Variants in SRMS observed in about 807,000 individuals in gnomAD.
SRMS encodes the protein src-related kinase lacking C-terminal regulatory tyrosine and N-terminal myristylation sites.
Under a neutral mutation model 43.5 loss-of-function variants are expected in SRMS, and 42 were observed. The observed-to-expected ratio is 0.97, with a 90% CI of 0.75 to 1.25. The LOEUF is 1.25. Ranked by LOEUF, SRMS falls within the 50% of genes most tolerant of loss-of-function variation. The pLI is 0.00. For synonymous variants in SRMS, 316 were observed against 308.2 expected, an observed-to-expected ratio of 1.03 and a Z score of -0.27; for missense variants, 703 against 681.0, an observed-to-expected ratio of 1.03 and a Z score of -0.36.
rs761469470 is a variant in SRMS, at chr20:63,544,350, T to TG, written c.357-3dup. 1.0e-5 allele frequency: 15 copies of TG among 1,468,128 alleles called. No homozygotes were observed. Among genetic ancestry groups the TG allele is most frequent in the Middle Eastern group, 2.4e-4 (1 of 4,136 alleles). The allele number at this position is 1,468,128 out of a possible 1,614,324, so 90.9% of individuals were successfully genotyped here. On this transcript the variant is annotated splice_polypyrimidine_tract_variant and splice_region_variant and intron_variant, in intron 1 of 7. Transcript: ENST00000217188. ...CGACTGACCCCGCTAAAGTACCAGC[T>TG]GCAAACAGCAGGTGCGGCAGTCACC...
Position 63,541,620 on chromosome 20 carries a change from G to T in SRMS, c.947C>A (p.Thr316Asn). Residue 316 changes from threonine to asparagine, a missense_variant and splice_region_variant, in exon 6 of 8, where the codon ACC becomes AAC. Coordinates refer to ENST00000217188, the MANE Select transcript of SRMS (RefSeq NM_080823.4). ...CAGACGCAGGGCCCGGCCCTCGGGG[G>T]CTGCAGGAGACAGCGCGGGGTCTTT... ...RKGNLQAFLGTPEGRALRLPP... is the reference protein window; with the variant it reads ...RKGNLQAFLGNPEGRALRLPP... 2 of 1,537,866 alleles carry T rather than the reference G, an allele frequency of 1.3e-6. No homozygotes were observed. Among genetic ancestry groups the T allele is most frequent in the South Asian group, 1.2e-5 (1 of 84,548 alleles).
intron 5 of SRMS, 77 bp downstream of exon 5, chr20:63,542,086 A>G: frequency 6.5e-7 from 1 of 1,535,284 alleles, no homozygotes. Flanking sequence ...GAAACCCCGC[A>G]GGTTCAGCTC....
intron 3 of SRMS, among the ~76,000 whole-genome samples, chr20:63,542,825 A>C (rs1219073335): frequency 2.6e-5 from 4 of 152,104 alleles, no homozygotes; most frequent in African/African-American, 9.7e-5. Context: ...ACACATGCTC[A>C]TTACTGCCCC....
Position 63,543,110 on chromosome 20 carries a change from G to A in SRMS, c.645+204C>T, listed in dbSNP as rs146503573. On this transcript the variant is annotated intron_variant, in intron 3 of 7. Coordinates refer to ENST00000217188, the MANE Select transcript of SRMS (RefSeq NM_080823.4). Reference sequence around the variant, plus strand: ...CACTCCCAGCCCCCTAGGACCCCAGGAATCCCAACAACCCTCAGAGGCACC... The same window carrying A: ...CACTCCCAGCCCCCTAGGACCCCAGAAATCCCAACAACCCTCAGAGGCACC... Among the ~76,000 whole-genome samples the A allele has an allele frequency of 2.1e-3, 326 of 152,332 alleles. 7 individuals carry two copies. In the East Asian group the frequency reaches 0.025, roughly 12 times the overall value.
At chr20:63,545,255 C>T (rs1341410045) in intron 1 of SRMS, among the ~76,000 whole-genome samples, 1 of 152,174 alleles carries the variant, frequency 6.6e-6, no homozygotes, top group Non-Finnish European at 1.5e-5. Context: ...CCAGCCCCAC[C>T]CCGTCTGCAT....
At chr20:63,543,265 G>A in intron 3 of SRMS, 49 bp downstream of exon 3, 2 of 1,598,174 alleles carry the variant, frequency 1.3e-6, no homozygotes, top group Non-Finnish European at 1.7e-6. Flanking sequence ...CCTAGAACAG[G>A]GCCATGCCTC....
chr20:63,545,605 C>T (rs1412904660), intron 1 of SRMS, among the ~76,000 whole-genome samples: 1 of 152,190 alleles, frequency 6.6e-6, no homozygotes, highest in Non-Finnish European at 1.5e-5. Context: ...ACCTAGGGGG[C>T]AATGGGGGCA....
At chr20:63,543,164 TG>T (rs2082713319) in intron 3 of SRMS, 149 bp downstream of exon 3, 5 of 939,084 alleles carry the variant, frequency 5.3e-6, no homozygotes, top group African/African-American at 1.6e-5. Context: ...CTGGAACCGC[TG>T]GGATGCTCCG....
At position 63,543,451 on chromosome 20, in the gene SRMS, G is replaced by C. The variant is rs774624127; in HGVS notation, c.508C>G (p.Arg170Gly). 3 of 1,612,798 alleles carry C rather than the reference G, an allele frequency of 1.9e-6. No homozygotes were observed. The highest frequency in any genetic ancestry group is 2.5e-6 in the Non-Finnish European group (3 of 1,179,936). The stretch of plus-strand genomic sequence containing the variant: ...CTGCCATCAGCTGCCATGGAGACCC[G>C]GTAGTGGCAGACCTTGGCCTGGGCC... ...VRAQAKVCHYRVSMAADGSLY... is the reference protein window; with the variant it reads ...VRAQAKVCHYGVSMAADGSLY... The change falls in exon 3 of 8, where the codon CGG becomes GGG. Residue 170 changes from arginine to glycine, a missense_variant. Arg to Gly is a moderately radical substitution (Grantham distance 125, BLOSUM62 -2). Coordinates refer to ENST00000217188, the MANE Select transcript of SRMS (RefSeq NM_080823.4).
In SRMS at chr20:63,543,374, G is replaced by C. The variant is rs751216367; in HGVS notation, c.585C>G (p.Thr195=). ...TCAGCTTCCAGTTGGCCTTGTAGTA[G>C]GTGAGCAGCTCCTCCAGGCCGGGAA... ...RLFPGLEELL[T]YYKANWKLIQ... Residue 195 remains threonine, a synonymous_variant, in exon 3 of 8, where the codon ACC becomes ACG. Coordinates refer to ENST00000217188, the MANE Select transcript of SRMS (RefSeq NM_080823.4). 2.5e-6 allele frequency: 4 copies of C among 1,612,832 alleles called. 1 individual carries two copies. The Admixed American group carries it at 6.7e-5, about 27-fold the overall frequency.
rs1303470019 is a variant in SRMS, at chr20:63,542,576, G to A, written c.651C>T (p.Ala217=). ...PLLQPCMPQK[A]PRQDVWERPH... ...GCCGCTCCCACACGTCCTGCCTCGG[G>A]GCCTTCTGCAGGGAGGGTGGGCAGG... Residue 217 remains alanine (A), a synonymous_variant, in exon 4 of 8, where the codon GCC becomes GCT. Transcript: ENST00000217188. 1 of 1,609,712 alleles carries A rather than the reference G, an allele frequency of 6.2e-7. No homozygotes were observed.
chr20:63,542,479 G>C lies in SRMS; in HGVS notation c.748C>G (p.Leu250Val), dbSNP rs1468783502. 6.2e-7 allele frequency: 1 copy of C among 1,612,614 alleles called. No homozygotes were observed. Among genetic ancestry groups the C allele is most frequent in the Non-Finnish European group, 8.5e-7 (1 of 1,179,822 alleles). The change falls in exon 4 of 8, where the codon CTG (leucine) becomes GTG (valine). Residue 250 changes from leucine (L) to valine (V), a missense_variant. Leu to Val is a conservative substitution (Grantham distance 32). Transcript: ENST00000217188. ...YFGEVWEGLW[L>V]GSLPVAIKVI... is the part of the protein sequence containing the mutation. ...TTGATCGCCACGGGCAGGGAGCCCA[G>C]CCACAGGCCTTCCCACACCTCCCCA...
Position 63,544,335 on chromosome 20 carries a change from C to G in SRMS, c.370G>C (p.Gly124Arg). 6.8e-7 allele frequency: 1 copy of G among 1,472,576 alleles called. No homozygotes were observed. The highest frequency in any genetic ancestry group is 9.0e-7 in the Non-Finnish European group (1 of 1,113,946). The allele number at this position is 1,472,576 out of a possible 1,614,324, so 91.2% of individuals were successfully genotyped here. ...TGCTGTGCCTGGGTCCGACTGACCC[C>G]GCTAAAGTACCAGCTGCAAACAGCA... ...TLSDQPWYFS[G>R]VSRTQAQQLL... The change falls in exon 2 of 8, where the codon GGG becomes CGG. Residue 124 changes from glycine (G) to arginine (R), a missense_variant. Gly to Arg is a moderately radical substitution (Grantham distance 125). Transcript: ENST00000217188.
rs377417394 is a variant in SRMS at position 63,547,556 on chromosome 20, C to T, written c.-93G>A. 10 of 1,235,988 alleles carry T rather than the reference C, an allele frequency of 8.1e-6. No individual in the cohort carries two copies. The African/African-American group carries it at 1.3e-4, about 16-fold the overall frequency. 76.6% of individuals were successfully genotyped at this position (1,235,988 alleles called of 1,614,324 possible). On this transcript the variant is annotated 5_prime_UTR_variant, in exon 1 of 8. Transcript: ENST00000217188. ...GGCCGGTGGGACCCGGTGTCCAGCG[C>T]TCCCTGCCCTGGCCGTGGGGTGACA...
chr20:63,544,497 G>A (rs2082720757), intron 1 of SRMS, 149 bp from the exon 2 acceptor site: 1 of 1,042,324 alleles, frequency 9.6e-7, no homozygotes, highest in South Asian at 2.2e-5. Context: ...CCCAGCTCAA[G>A]GTCTGCACTG....
At position 63,539,273 on chromosome 20, in the gene SRMS, G is replaced by A. The variant is rs933863278; in HGVS notation, c.*1545C>T. 1.3e-5 allele frequency among the ~76,000 whole-genome samples: 2 copies of A among 152,180 alleles called. No individual in the cohort carries two copies. Among genetic ancestry groups the A allele is most frequent in the East Asian group, 1.9e-4 (1 of 5,204 alleles). On this transcript the variant is annotated 3_prime_UTR_variant, in exon 8 of 8. Coordinates refer to ENST00000217188, the MANE Select transcript of SRMS (RefSeq NM_080823.4). Reference sequence around the variant, plus strand: ...GCTTGGCCTTGTTCCTCCGATGCACGGGCCCCAGGAAGCCCCCGCGCTGCC... The same window carrying A: ...GCTTGGCCTTGTTCCTCCGATGCACAGGCCCCAGGAAGCCCCCGCGCTGCC...
In SRMS at chr20:63,540,958, A is replaced by T. The variant is rs1222408815; in HGVS notation, c.1327T>A (p.Tyr443Asn). 1 of 1,608,156 alleles carries T rather than the reference A, an allele frequency of 6.2e-7. No homozygotes were observed. Among genetic ancestry groups the T allele is most frequent in the African/African-American group, 1.3e-5 (1 of 74,998 alleles). ...HETLQQIMRG[Y>N]RLPRPAACPA... ...CAGGCAGCCGGGCGCGGCAGCCGGT[A>T]CCCTCGCATGATCTGCTGCAGCGTC... is the stretch of plus-strand genomic sequence containing the variant. Residue 443 changes from tyrosine to asparagine, a missense_variant, in exon 8 of 8, where the codon TAC becomes AAC. Physicochemically the swap from Tyr to Asn is moderately radical, Grantham distance 143. Coordinates refer to ENST00000217188, the MANE Select transcript of SRMS (RefSeq NM_080823.4).
chr20:63,543,013 C>T (rs149931161), intron 3 of SRMS, among the ~76,000 whole-genome samples: 8 of 152,296 alleles, frequency 5.3e-5, no homozygotes, highest in African/African-American at 1.9e-4. Flanking sequence ...CCTTGAGTGC[C>T]TTCCCCAAAC....
intron 1 of SRMS, among the ~76,000 whole-genome samples, chr20:63,545,019 C>A (rs991849228): frequency 4.6e-5 from 7 of 152,212 alleles, no homozygotes; most frequent in African/African-American, 1.7e-4. Flanking sequence ...CGCACAGACA[C>A]CCCCTCGGAA....
Sources: allele counts gnomAD v4.1 joint callset (sites outside exome capture counted in the v4.1 genomes callset), GRCh38; gene constraint gnomAD v4.1.1; transcripts MANE v1.5; gene names NCBI Gene and HGNC (gene_info 2026-07-23, HGNC 2026-07-21).